Variants in CDX1 observed in about 807,000 individuals in gnomAD.
CDX1 encodes homeobox protein CDX-1.
In CDX1, 9 loss-of-function variants were observed where a neutral mutation model predicts 16.9. The observed-to-expected ratio is 0.53, with a 90% CI of 0.32 to 0.93. The LOEUF (loss-of-function observed/expected upper bound fraction) is 0.93. Ranked by LOEUF, CDX1 falls within the 40% of genes least tolerant of loss-of-function variation. The pLI, the probability that CDX1 is intolerant of heterozygous loss-of-function variation, is 0.04. For missense variants in CDX1, 393 were observed against 386.1 expected (o/e 1.02, Z -0.15); for synonymous variants, 179 against 179.0 (o/e 1.00, Z 0.00).
chr5:150,181,993 G>A (rs1411974504), intron 1 of CDX1, among the ~76,000 whole-genome samples: 1 of 152,120 alleles, frequency 6.6e-6, no homozygotes, highest in Non-Finnish European at 1.5e-5. Flanking sequence ...TTGGTATCGT[G>A]AGCCAGAGCC....
chr5:150,183,569 C>G lies in CDX1; in HGVS notation c.687C>G (p.His229Gln). 1.2e-6 allele frequency: 2 copies of G among 1,611,984 alleles called. No homozygotes were observed. Among genetic ancestry groups the G allele is most frequent in the Non-Finnish European group, 1.7e-6 (2 of 1,178,532 alleles). Residue 229 changes from histidine to glutamine, a missense_variant, in exon 3 of 3, where the codon CAC (histidine) becomes CAG (glutamine). Physicochemically the swap from His to Gln is conservative, Grantham distance 24. Transcript: ENST00000231656. ...QQQPPQPPMAHDITATPAGPS... is the reference protein window; with the variant it reads ...QQQPPQPPMAQDITATPAGPS... ...AGCCCCCACAGCCGCCGATGGCCCA[C>G]GACATCACGGCCACCCCAGCCGGGC...
intron 1 of CDX1, among the ~76,000 whole-genome samples, chr5:150,170,762 TTCAA>T (rs1455370247): frequency 1.3e-5 from 2 of 152,206 alleles, no homozygotes; most frequent in Admixed American, 6.5e-5. Context: ...GCTGTTGGGC[TTCAA>T]TCAGTCTCCG....
In CDX1 at chr5:150,169,335, A is replaced by G. The variant is rs144192430; in HGVS notation, c.445+2014A>G. On this transcript the variant is annotated intron_variant, in intron 1 of 2. Transcript: ENST00000231656. ...CTGTTGTCTGCAGGCAGATGAGTCTACCCCAGGCAAAAAAGCATTTCCCCC... is the reference window on the plus strand; with the variant it reads ...CTGTTGTCTGCAGGCAGATGAGTCTGCCCCAGGCAAAAAAGCATTTCCCCC... Among the ~76,000 whole-genome samples the G allele has an allele frequency of 1.8e-4, 27 of 151,916 alleles. 1 individual carries two copies. The East Asian group carries it at 5.2e-3, about 29-fold the overall frequency.
intron 1 of CDX1, among the ~76,000 whole-genome samples, chr5:150,168,503 C>T (rs1287904897): frequency 6.6e-6 from 1 of 152,226 alleles, no homozygotes; most frequent in Non-Finnish European, 1.5e-5. Flanking sequence ...GATTAAATAA[C>T]AGCTAATGTT....
Position 150,182,749 on chromosome 5 carries a change from G to C in CDX1, c.446-19G>C, listed in dbSNP as rs770039074. 7 of 1,539,284 alleles carry C rather than the reference G, an allele frequency of 4.5e-6. No individual in the cohort carries two copies. In the South Asian group the frequency reaches 6.3e-5, roughly 14 times the overall value. On this transcript the variant is annotated intron_variant, in intron 1 of 2. Transcript: ENST00000231656. Reference sequence around the variant, plus strand: ...CTCCTCTCAACTCACCTTCCTTCCCGGCTCCTTCTGCTTCTCAGGTAAGAC... The same window carrying C: ...CTCCTCTCAACTCACCTTCCTTCCCCGCTCCTTCTGCTTCTCAGGTAAGAC...
At chr5:150,176,693 G>T (rs1277224462) in intron 1 of CDX1, among the ~76,000 whole-genome samples, 1 of 152,238 alleles carries the variant, frequency 6.6e-6, no homozygotes, top group Non-Finnish European at 1.5e-5. Context: ...ATGCCCAGAG[G>T]AGAGGAGGAA....
At chr5:150,175,866 G>A (rs952135527) in intron 1 of CDX1, among the ~76,000 whole-genome samples, 20 of 152,168 alleles carry the variant, frequency 1.3e-4, no homozygotes, top group Admixed American at 1.1e-3. Context: ...TCTCTCTCAC[G>A]AGGGACTCCA....
intron 1 of CDX1, among the ~76,000 whole-genome samples, chr5:150,176,755 T>C (rs1292944720): frequency 2.6e-5 from 4 of 152,218 alleles, no homozygotes; most frequent in Non-Finnish European, 5.9e-5. Context: ...ACCCACTGAC[T>C]TTAGCTGGTG....
intron 1 of CDX1, among the ~76,000 whole-genome samples, chr5:150,174,964 A>G (rs1761549390): frequency 6.6e-6 from 1 of 151,986 alleles, no homozygotes; most frequent in South Asian, 2.1e-4. Context: ...TTTAGTAGAG[A>G]CAGAGTTTCA....
chr5:150,174,787 T>C (rs1761547225), intron 1 of CDX1, among the ~76,000 whole-genome samples: 1 of 151,842 alleles, frequency 6.6e-6, no homozygotes, highest in Non-Finnish European at 1.5e-5. Flanking sequence ...TTTTTTTTTT[T>C]TTTCCTGAGA....
intron 1 of CDX1, among the ~76,000 whole-genome samples, chr5:150,168,042 C>T (rs1318632116): frequency 6.6e-6 from 1 of 152,176 alleles, no homozygotes; most frequent in Non-Finnish European, 1.5e-5. Context: ...GGACAAAGGG[C>T]CCAACTTTAA....
chr5:150,167,774 A>T (rs907651494), intron 1 of CDX1, among the ~76,000 whole-genome samples: 4 of 152,250 alleles, frequency 2.6e-5, no homozygotes, highest in Non-Finnish European at 4.4e-5. Flanking sequence ...TTTCCTGGCC[A>T]GGGCTGGGTC....
At position 150,183,658 on chromosome 5, in the gene CDX1, T is replaced by C. The variant is rs764073764; in HGVS notation, c.776T>C (p.Val259Ala). The C allele has an allele frequency of 6.3e-7, 1 of 1,592,850 alleles. No individual in the cohort carries two copies. The highest frequency in any genetic ancestry group is 1.1e-5 in the South Asian group (1 of 88,772). The change falls in exon 3 of 3, where the codon GTG (valine) becomes GCG (alanine). Residue 259 changes from valine to alanine, a missense_variant. Val to Ala is a moderately conservative substitution (Grantham distance 64, BLOSUM62 0). Transcript: ENST00000231656. ...CTGGCCACCTCCTCTCCAATGCCTG[T>C]GAAAGAGGAGTTTCTGCCATAGCCC... ...SLLATSSPMPVKEEFLP is the reference protein window; with the variant it reads ...SLLATSSPMPAKEEFLP
rs1186554348 is a variant in CDX1, at chr5:150,184,216, A to C, written c.*536A>C. ...AGGCTGGATACTAAGCACAAAGCCC[A>C]TAGCACTGGGCTCTGATGGCTGCTC... On this transcript the variant is annotated 3_prime_UTR_variant, in exon 3 of 3. Coordinates refer to ENST00000231656, the MANE Select transcript of CDX1 (RefSeq NM_001804.3). The C allele has an allele frequency of 6.6e-6, 1 of 152,362 alleles. No homozygotes were observed. The highest frequency in any genetic ancestry group is 2.4e-5 in the African/African-American group (1 of 41,476). 9.4% of individuals were successfully genotyped at this position (152,362 alleles called of 1,614,324 possible). A position where few individuals can be genotyped will look rare whatever the true frequency, so the allele number is the denominator to read the frequency against.
intron 1 of CDX1, among the ~76,000 whole-genome samples, chr5:150,174,295 G>A (rs1220659768): frequency 2.6e-5 from 4 of 152,262 alleles, no homozygotes; most frequent in African/African-American, 9.6e-5. Context: ...CCAGGAAACA[G>A]TTCAGAGAGG....
chr5:150,177,700 T>C (rs1761586906), intron 1 of CDX1, among the ~76,000 whole-genome samples: 1 of 152,118 alleles, frequency 6.6e-6, no homozygotes, highest in South Asian at 2.1e-4. Flanking sequence ...TTGGCTATTA[T>C]TAGAATATTA....
At chr5:150,169,794 G>A (rs1363847187) in intron 1 of CDX1, among the ~76,000 whole-genome samples, 1 of 152,148 alleles carries the variant, frequency 6.6e-6, no homozygotes, top group Non-Finnish European at 1.5e-5. Context: ...GCCCCCTTTT[G>A]CCCCACTTCT....
intron 1 of CDX1, among the ~76,000 whole-genome samples, chr5:150,170,691 G>A (rs138172679): frequency 1.8e-4 from 28 of 152,216 alleles, no homozygotes; most frequent in African/African-American, 6.7e-4. Context: ...GCTGAGGCTG[G>A]GACTAAGACT....
At chr5:150,169,451 C>T (rs569891629) in intron 1 of CDX1, among the ~76,000 whole-genome samples, 4 of 152,186 alleles carry the variant, frequency 2.6e-5, no homozygotes, top group African/African-American at 9.6e-5. Context: ...GCCAGGTTAG[C>T]CCTCTTCCGC....
Sources: allele counts gnomAD v4.1 joint callset (sites outside exome capture counted in the v4.1 genomes callset), GRCh38; gene constraint gnomAD v4.1.1; transcripts MANE v1.5; gene names NCBI Gene and HGNC (gene_info 2026-07-23, HGNC 2026-07-21).